CDH23: variants seen among roughly 807,000 people sequenced by gnomAD.
The protein encoded by CDH23 is cadherin related 23, also known as cadherin-23.
A neutral mutation model predicts 317.1 loss-of-function variants in CDH23; 189 were observed. That is an observed-to-expected ratio of 0.60 (90% CI 0.53 to 0.67). CDH23 has a LOEUF of 0.67. Ranked by LOEUF, CDH23 falls within the 30% of genes least tolerant of loss-of-function variation. CDH23 has a pLI of 0.00. For missense variants in CDH23, 4,401 were observed against 4,592.4 expected (o/e 0.96, Z 1.20); for synonymous variants, 1,839 against 1,876.8 (o/e 0.98, Z 0.52).
intron 14 of CDH23, among the ~76,000 whole-genome samples, chr10:71,664,912 T>TA (rs1564718672): frequency 6.7e-6 from 1 of 150,214 alleles, no homozygotes; most frequent in Non-Finnish European, 1.5e-5. Flanking sequence ...CCTTTATCTC[T>TA]CCCCCAGCCC....
intron 11 of CDH23, among the ~76,000 whole-genome samples, chr10:71,621,323 C>G (rs1713746614): frequency 6.6e-6 from 1 of 152,264 alleles, no homozygotes; most frequent in Non-Finnish European, 1.5e-5. Context: ...CAGTCAGAAC[C>G]CTCTGTCCCA....
intron 3 of CDH23, among the ~76,000 whole-genome samples, chr10:71,454,449 C>A (rs1336010200): frequency 6.6e-6 from 1 of 152,222 alleles, no homozygotes; most frequent in Non-Finnish European, 1.5e-5. Context: ...TCTGGCTGTC[C>A]TTTCTATTGG....
intron 11 of CDH23, among the ~76,000 whole-genome samples, chr10:71,620,472 C>T (rs141184913): frequency 7.0e-4 from 107 of 152,290 alleles, no homozygotes; most frequent in African/African-American, 2.5e-3. Context: ...CTGACACCTC[C>T]GATTTTATCT....
rs75646491 is a variant in CDH23, at chr10:71,506,071, T to C, written c.146-4011T>C. On this transcript the variant is annotated intron_variant, in intron 3 of 69. Transcript: ENST00000224721. ...CAGCTGTTAAAAAGGAGTGAAGTACTGATACATGCTACAACATGAATGAAC... is the reference window on the plus strand; with the variant it reads ...CAGCTGTTAAAAAGGAGTGAAGTACCGATACATGCTACAACATGAATGAAC... Among the ~76,000 whole-genome samples the C allele has an allele frequency of 0.011, 1,640 of 152,366 alleles. 48 individuals carry two copies. The East Asian group carries it at 0.13, about 12-fold the overall frequency.
intron 33 of CDH23, 38 bp downstream of exon 33, chr10:71,734,379 C>A: frequency 6.4e-7 from 1 of 1,561,226 alleles, no homozygotes; most frequent in South Asian, 1.2e-5. Flanking sequence ...CAGGTGCGGC[C>A]CATCGCTGGC....
rs377126049 is a variant in CDH23, at chr10:71,712,711, C to T, written c.3267C>T (p.Phe1089=). The change falls in exon 28 of 70, where the codon TTC becomes TTT. Residue 1089 remains phenylalanine, a synonymous_variant. Transcript: ENST00000224721. The part of the protein sequence containing the change: ...GKRHTGTATV[F]VTVLDVNDNR... ...GACACACGGGCACAGCCACCGTGTT[C>T]GTCACTGTCCTGGATGTGAATGACA... The T allele has an allele frequency of 5.5e-5, 88 of 1,613,602 alleles. No individual in the cohort carries two copies. The highest frequency in any genetic ancestry group is 1.6e-4 in the Middle Eastern group (1 of 6,084).
Position 71,572,704 on chromosome 10 carries a change from G to A in CDH23, c.753+1786G>A, listed in dbSNP as rs184888347. On this transcript the variant is annotated intron_variant, in intron 8 of 69. Transcript: ENST00000224721. ...TTTTTCCCTGGCTTCTTCCCTATCC[G>A]TCCCAGAGATAGCAACTCCTCTCCC... Among the ~76,000 whole-genome samples, 17 of 152,026 alleles carry A rather than the reference G, an allele frequency of 1.1e-4. 1 individual carries two copies. Among genetic ancestry groups the A allele is most frequent in the South Asian group, 4.2e-4 (2 of 4,814 alleles).
intron 9 of CDH23, among the ~76,000 whole-genome samples, chr10:71,611,121 C>T (rs958154151): frequency 6.6e-6 from 1 of 151,890 alleles, no homozygotes; most frequent in Non-Finnish European, 1.5e-5. Context: ...ACCAGAAGGC[C>T]GACACGGAGG....
At chr10:71,624,399 C>G (rs1861612756) in intron 11 of CDH23, among the ~76,000 whole-genome samples, 1 of 152,236 alleles carries the variant, frequency 6.6e-6, no homozygotes, top group African/African-American at 2.4e-5. Flanking sequence ...TACTTTTGAT[C>G]TGTGTGACCT....
intron 25 of CDH23, 127 bp from the exon 26 acceptor site, chr10:71,706,770 C>T: frequency 6.9e-7 from 1 of 1,447,656 alleles, no homozygotes; most frequent in Non-Finnish European, 9.2e-7. Flanking sequence ...ACACAGATGC[C>T]ACTTGGAGCC....
At chr10:71,529,298 G>A (rs936904604) in intron 6 of CDH23, among the ~76,000 whole-genome samples, 3 of 152,130 alleles carry the variant, frequency 2.0e-5, no homozygotes, top group Admixed American at 6.5e-5. Flanking sequence ...TTCAACACAG[G>A]ACTCAGCTGG....
chr10:71,708,924 T>C (rs1385183856), intron 26 of CDH23, among the ~76,000 whole-genome samples, 174 bp from the exon 27 acceptor site: 1 of 152,222 alleles, frequency 6.6e-6, no homozygotes, highest in African/African-American at 2.4e-5. Flanking sequence ...GCACCCCCGC[T>C]GAGCCCACCC....
At chr10:71,537,831 G>A (rs942779548) in intron 6 of CDH23, among the ~76,000 whole-genome samples, 1 of 152,148 alleles carries the variant, frequency 6.6e-6, no homozygotes, top group African/African-American at 2.4e-5. Context: ...CTGTTTTTGC[G>A]ATGATGGTGT....
At position 71,751,911 on chromosome 10, in the gene CDH23, C is replaced by G. The variant is rs140530381; in HGVS notation, c.4845+9990C>G. The G allele has an allele frequency of 6.6e-7, 1 of 1,520,208 alleles. No homozygotes were observed. The highest frequency in any genetic ancestry group is 2.3e-5 in the East Asian group (1 of 43,374). 94.2% of individuals were successfully genotyped at this position (1,520,208 alleles called of 1,614,324 possible). A position where few individuals can be genotyped will look rare whatever the true frequency, so the allele number is the denominator to read the frequency against. On this transcript the variant is annotated intron_variant, in intron 38 of 69. Transcript: ENST00000224721. This position sits in a 1 kb window ranked among gnomAD's most constrained non-coding sequence, Gnocchi z 4.9. ...TCATCTGTGCTGTCCGGAGCGTGAA[C>G]TCTGCCCTCCCTGCCCCCAGTTTTT... is the stretch of plus-strand genomic sequence containing the variant.
intron 3 of CDH23, among the ~76,000 whole-genome samples, chr10:71,495,269 G>A (rs904672375): frequency 2.0e-5 from 3 of 152,164 alleles, no homozygotes; most frequent in East Asian, 1.9e-4. Flanking sequence ...GGGTAATTAC[G>A]AGTCTCCTCA....
At chr10:71,571,535 G>A (rs1245398454) in intron 8 of CDH23, among the ~76,000 whole-genome samples, 3 of 152,206 alleles carry the variant, frequency 2.0e-5, no homozygotes, top group Non-Finnish European at 4.4e-5. Flanking sequence ...TGTCTTAGAG[G>A]ACAAAACATG....
intron 1 of CDH23, among the ~76,000 whole-genome samples, chr10:71,427,402 TA>T (rs1463608930): frequency 2.6e-5 from 4 of 152,126 alleles, no homozygotes; most frequent in Non-Finnish European, 4.4e-5. Context: ...AACAAACTCA[TA>T]ATATGTGGTC....
chr10:71,646,590 C>T lies in CDH23; in HGVS notation c.1422C>T (p.Thr474=), dbSNP rs760469401. 138 of 1,613,886 alleles carry T rather than the reference C, an allele frequency of 8.6e-5. 1 individual carries two copies. The highest frequency in any genetic ancestry group is 1.6e-4 in the Middle Eastern group (1 of 6,084). Residue 474 remains threonine, a synonymous_variant, in exon 14 of 70, where the codon ACC becomes ACT. Coordinates refer to ENST00000224721, the MANE Select transcript of CDH23 (RefSeq NM_022124.6). The stretch of plus-strand genomic sequence containing the variant: ...ACATCAGCCTGTACGAGAACGTCAC[C>T]GTGGGGACCTCTGTGCTGACAGTCC... The part of the protein sequence containing the change: ...LYNISLYENV[T]VGTSVLTVLA...
At chr10:71,763,879 C>CTGAT (rs1564782520) in intron 38 of CDH23, among the ~76,000 whole-genome samples, 4 of 152,130 alleles carry the variant, frequency 2.6e-5, no homozygotes, top group Admixed American at 6.5e-5. Context: ...GTGTGAATGA[C>CTGAT]TGATAACAAC....
Sources: gnomAD v4.1 joint callset for allele counts (sites outside exome capture counted in the v4.1 genomes callset) on GRCh38, gnomAD v4.1.1 for gene constraint, Gnocchi (gnomAD v3.1) non-coding constraint, MANE v1.5 for transcripts, NCBI Gene and HGNC (gene_info 2026-07-23, HGNC 2026-07-21) for gene names.